MRPL27: variants seen among roughly 807,000 people sequenced by gnomAD.
MRPL27 encodes the protein mitochondrial ribosomal protein L27.
MRPL27 carries 4 observed loss-of-function variants against 14.6 expected under a neutral mutation model. The observed-to-expected ratio is 0.27, with a 90% CI of 0.14 to 0.63. The LOEUF (loss-of-function observed/expected upper bound fraction) is 0.63. MRPL27 is among the 20% of genes least tolerant of loss of function. The pLI, the probability that MRPL27 is intolerant of heterozygous loss-of-function variation, is 0.85. For synonymous variants in MRPL27, 82 were observed against 75.5 expected, an observed-to-expected ratio of 1.09 and a Z score of -0.45; for missense variants, 196 against 192.8, an observed-to-expected ratio of 1.02 and a Z score of -0.10.
At chr17:50,372,015 CA>C (rs1913169548) in intron 1 of MRPL27, among the ~76,000 whole-genome samples, 1 of 152,190 alleles carries the variant, frequency 6.6e-6, no homozygotes, top group South Asian at 2.1e-4. Context: ...ATGCTAACTC[CA>C]AAACAGATCT....
At chr17:50,372,858 A>C (rs183713096) in intron 1 of MRPL27, 188 of 548,546 alleles carry the variant, frequency 3.4e-4, no homozygotes, top group African/African-American at 3.2e-3. Context: ...ACTTCTACAG[A>C]GAAAGGACCC....
chr17:50,368,833 C>G (rs762460891), intron 3 of MRPL27: 1 of 702,146 alleles, frequency 1.4e-6, no homozygotes, highest in South Asian at 1.5e-5. Flanking sequence ...TCATTTAATT[C>G]TCACCTAGTG....
Position 50,373,136 on chromosome 17 carries a change from G to A in MRPL27, c.35C>T (p.Thr12Ile). Residue 12 changes from threonine (T) to isoleucine (I), a missense_variant, in exon 1 of 4, where the codon ACA (threonine) becomes ATA (isoleucine). Thr to Ile is a moderately conservative substitution (Grantham distance 89). Transcript: ENST00000225969. ...ASVVLALRTR[T>I]AVTSLLSPTP... is the part of the protein sequence containing the mutation. The stretch of plus-strand genomic sequence containing the variant: ...TGACTACTGCGTCCCATTACCGGCT[G>A]TCCGGGTCCTCAGCGCCAACACCAC... The A allele has an allele frequency of 6.2e-7, 1 of 1,614,156 alleles. No individual in the cohort carries two copies. The highest frequency in any genetic ancestry group is 2.2e-5 in the East Asian group (1 of 44,884).
intron 1 of MRPL27, 177 bp from the exon 2 acceptor site, chr17:50,370,763 C>G: frequency 5.6e-6 from 3 of 534,804 alleles, no homozygotes; most frequent in South Asian, 3.3e-5. Flanking sequence ...TGGCTTTCTC[C>G]TTTTGGGGGA....
At chr17:50,370,693 T>G in intron 1 of MRPL27, 107 bp from the exon 2 acceptor site, 1 of 1,502,684 alleles carries the variant, frequency 6.7e-7, no homozygotes, top group Non-Finnish European at 9.1e-7. Flanking sequence ...GAGAAAGCTG[T>G]GTCAGGGGAG....
intron 3 of MRPL27, chr17:50,369,404 G>A (rs1913059487): frequency 6.4e-6 from 1 of 156,912 alleles, no homozygotes; most frequent in African/African-American, 2.4e-5. Flanking sequence ...TGGGGGAGGG[G>A]AAACTGTTTA....
In MRPL27 at chr17:50,368,270, T is replaced by C. The variant is rs1009251066; in HGVS notation, c.269A>G (p.Tyr90Cys). Reference protein sequence around the residue: ...HVGVGKNKCLYALEEGIVRYT... With the variant: ...HVGVGKNKCLCALEEGIVRYT... The stretch of plus-strand genomic sequence containing the variant: ...GCGGACTATCCCCTCTTCCAGGGCA[T>C]ACAGACATTTATTCTTCCCAACACC... Residue 90 changes from tyrosine to cysteine, a missense_variant, in exon 4 of 4, where the codon TAT (tyrosine) becomes TGT (cysteine). By Grantham distance (194) the Tyr-to-Cys change is radical. Transcript: ENST00000225969. 9 of 1,613,934 alleles carry C rather than the reference T, an allele frequency of 5.6e-6. No individual in the cohort carries two copies. Among genetic ancestry groups the C allele is most frequent in the Admixed American group, 5.0e-5 (3 of 59,990 alleles).
At chr17:50,368,818 T>G in intron 3 of MRPL27, 1 of 701,798 alleles carries the variant, frequency 1.4e-6, no homozygotes, top group South Asian at 1.5e-5. Context: ...TTAATACACA[T>G]TAAGTCATTT....
chr17:50,372,707 C>G (rs1192382061), intron 1 of MRPL27, among the ~76,000 whole-genome samples: 1 of 152,204 alleles, frequency 6.6e-6, no homozygotes, highest in Non-Finnish European at 1.5e-5. Context: ...CAGAGAGAAC[C>G]GTTCGGGGGC....
Position 50,368,032 on chromosome 17 carries a change from T to C in MRPL27, c.*60A>G. 1 of 1,588,338 alleles carries C rather than the reference T, an allele frequency of 6.3e-7. No homozygotes were observed. Among genetic ancestry groups the C allele is most frequent in the East Asian group, 2.2e-5 (1 of 44,710 alleles). Reference sequence around the variant, plus strand: ...TGTCGCCACCCCAACCCTTGACTTCTGGTATCACCATCTCCTGTCACCTGG... The same window carrying C: ...TGTCGCCACCCCAACCCTTGACTTCCGGTATCACCATCTCCTGTCACCTGG... On this transcript the variant is annotated 3_prime_UTR_variant, in exon 4 of 4. Transcript: ENST00000225969.
At position 50,370,067 on chromosome 17, in the gene MRPL27, T is replaced by G. The variant is rs781637170; in HGVS notation, c.205A>C (p.Thr69Pro). The change falls in exon 3 of 4, where the codon ACA (threonine) becomes CCA (proline). Residue 69 changes from threonine to proline, a missense_variant. Thr to Pro is a conservative substitution (Grantham distance 38). Coordinates refer to ENST00000225969, the MANE Select transcript of MRPL27 (RefSeq NM_016504.3). ...HYVHAGNIIA[T>P]QRHFRWHPGA... ...GGGTGCCAGCGGAAATGGCGCTGTGTTGCAATGATGTTCCCAGCATGAACA... is the reference window on the plus strand; with the variant it reads ...GGGTGCCAGCGGAAATGGCGCTGTGGTGCAATGATGTTCCCAGCATGAACA... The G allele has an allele frequency of 2.5e-6, 4 of 1,613,732 alleles. No individual in the cohort carries two copies. The highest frequency in any genetic ancestry group is 3.4e-6 in the Non-Finnish European group (4 of 1,179,922).
At chr17:50,369,876 T>G in intron 3 of MRPL27, 156 bp downstream of exon 3, 1 of 842,274 alleles carries the variant, frequency 1.2e-6, no homozygotes, top group Non-Finnish European at 1.9e-6. Flanking sequence ...TACAGGGATG[T>G]GGTAAGGAAG....
intron 1 of MRPL27, 190 bp downstream of exon 1, chr17:50,372,941 C>T (rs779030191): frequency 1.4e-6 from 1 of 730,716 alleles, no homozygotes; most frequent in Non-Finnish European, 2.2e-6. Flanking sequence ...TCTTCAAACG[C>T]CCTCACTCAC....
intron 2 of MRPL27, 85 bp from the exon 3 acceptor site, chr17:50,370,184 A>T (rs1913088617): frequency 5.7e-6 from 8 of 1,411,136 alleles, no homozygotes; most frequent in Non-Finnish European, 7.8e-6. Context: ...ACCAACCTCC[A>T]AGCCTGCCCC....
Position 50,367,944 on chromosome 17 carries a change from C to A in MRPL27, c.*148G>T, listed in dbSNP as rs1913008657. 5.8e-6 allele frequency: 5 copies of A among 861,200 alleles called. No homozygotes were observed. In the South Asian group the frequency reaches 8.9e-5, roughly 15 times the overall value. 53.3% of individuals were successfully genotyped at this position (861,200 alleles called of 1,614,324 possible). A position where few individuals can be genotyped will look rare whatever the true frequency, so the allele number is the denominator to read the frequency against. On this transcript the variant is annotated 3_prime_UTR_variant, in exon 4 of 4. Transcript: ENST00000225969. ...AGGTCAGGTCTCCCAAAGGGTTTCC[C>A]AGCAGTCACTTCAGAGTCTCCTGCA... is the stretch of plus-strand genomic sequence containing the variant.
At chr17:50,370,644 A>G (rs1567812329) in intron 1 of MRPL27, 58 bp from the exon 2 acceptor site, 16 of 1,601,658 alleles carry the variant, frequency 1.0e-5, no homozygotes, top group African/African-American at 5.4e-5. Context: ...TTCTGCCTCA[A>G]TGGGCCACAT....
chr17:50,373,112 G>C lies in MRPL27; in HGVS notation c.40+19C>G. 1 of 1,614,016 alleles carries C rather than the reference G, an allele frequency of 6.2e-7. No homozygotes were observed. The highest frequency in any genetic ancestry group is 1.3e-5 in the African/African-American group (1 of 75,044). On this transcript the variant is annotated intron_variant, in intron 1 of 3. Coordinates refer to ENST00000225969, the MANE Select transcript of MRPL27 (RefSeq NM_016504.3). Reference sequence around the variant, plus strand: ...CTGCCTCCCCGCCTCACCCCGCTCTGACTACTGCGTCCCATTACCGGCTGT... The same window carrying C: ...CTGCCTCCCCGCCTCACCCCGCTCTCACTACTGCGTCCCATTACCGGCTGT...
In MRPL27 at chr17:50,370,042, G is replaced by C. The variant is rs775214785; in HGVS notation, c.230C>G (p.Pro77Arg). 1.9e-6 allele frequency: 3 copies of C among 1,613,870 alleles called. No homozygotes were observed. The highest frequency in any genetic ancestry group is 1.7e-6 in the Non-Finnish European group (2 of 1,179,926). The change falls in exon 3 of 4, where the codon CCA (proline) becomes CGA (arginine). Residue 77 changes from proline to arginine, a missense_variant. Physicochemically the swap from Pro to Arg is moderately radical, Grantham distance 103. Coordinates refer to ENST00000225969, the MANE Select transcript of MRPL27 (RefSeq NM_016504.3). ...IATQRHFRWH[P>R]GAHVGVGKNK... ...AACGGAGCAACTCACATGGGCACCT[G>C]GGTGCCAGCGGAAATGGCGCTGTGT...
intron 3 of MRPL27, chr17:50,369,239 A>G (rs570963171): frequency 4.7e-6 from 1 of 210,822 alleles, no homozygotes; most frequent in Non-Finnish European, 9.4e-6. Flanking sequence ...AGCTTTGATT[A>G]TTATTGTTGA....
Sources: gnomAD v4.1 joint callset for allele counts (sites outside exome capture counted in the v4.1 genomes callset) on GRCh38, gnomAD v4.1.1 for gene constraint, MANE v1.5 for transcripts, NCBI Gene and HGNC (gene_info 2026-07-23, HGNC 2026-07-21) for gene names.